The following SMYD4 variants were observed in gnomAD, a reference collection of about 807,000 sequenced individuals.
SMYD4 encodes protein-lysine N-methyltransferase SMYD4.
Under a neutral mutation model 72.8 loss-of-function variants are expected in SMYD4, and 68 were observed. The observed-to-expected ratio is 0.93, with a 90% confidence interval of 0.77 to 1.14. The LOEUF is 1.14. Among genes scored for constraint, SMYD4 ranks in the 50% most tolerant of loss-of-function variants. SMYD4 has a pLI of 0.00. For missense variants in SMYD4, 984 were observed against 1,003.7 expected (o/e 0.98, Z 0.27); for synonymous variants, 407 against 388.6 (o/e 1.05, Z -0.56).
chr17:1,806,183 C>T (rs1910027533), intron 3 of SMYD4, among the ~76,000 whole-genome samples: 1 of 151,932 alleles, frequency 6.6e-6, no homozygotes, highest in Admixed American at 6.6e-5. Flanking sequence ...CCTCGGCCTC[C>T]CAACAAATAC....
chr17:1,820,791 G>C (rs1443427347), intron 2 of SMYD4, among the ~76,000 whole-genome samples: 1 of 152,130 alleles, frequency 6.6e-6, no homozygotes, highest in Non-Finnish European at 1.5e-5. Flanking sequence ...ATCTCTTGTG[G>C]GAAAACATTC....
chr17:1,781,539 G>C, intron 10 of SMYD4, 100 bp from the exon 11 acceptor site: 1 of 1,362,922 alleles, frequency 7.3e-7, no homozygotes, highest in Non-Finnish European at 1.0e-6. Flanking sequence ...GATCATTTCT[G>C]TCATCAAGGA....
rs1296906388 is a variant in SMYD4, at chr17:1,780,541, C to G, written c.*745G>C. ...CTGCAGAACCTACACAGAATCCGCACCTGGTCTGCAGAACCCACACCCGAC... is the reference window on the plus strand; with the variant it reads ...CTGCAGAACCTACACAGAATCCGCAGCTGGTCTGCAGAACCCACACCCGAC... On this transcript the variant is annotated 3_prime_UTR_variant, in exon 11 of 11. Coordinates refer to ENST00000305513, the MANE Select transcript of SMYD4 (RefSeq NM_052928.3). The G allele has an allele frequency of 6.6e-6, 1 of 152,102 alleles. No individual in the cohort carries two copies. The highest frequency in any genetic ancestry group is 1.5e-5 in the Non-Finnish European group (1 of 68,068). 9.4% of individuals were successfully genotyped at this position (152,102 alleles called of 1,614,324 possible).
intron 2 of SMYD4, among the ~76,000 whole-genome samples, chr17:1,824,587 G>T (rs1011429472): frequency 6.6e-6 from 1 of 151,970 alleles, no homozygotes; most frequent in African/African-American, 2.4e-5. Flanking sequence ...GATAGTGAGT[G>T]AGTTCTCACG....
At chr17:1,786,405 G>T (rs2151220093) in intron 7 of SMYD4, among the ~76,000 whole-genome samples, 1 of 152,200 alleles carries the variant, frequency 6.6e-6, no homozygotes, top group Admixed American at 6.5e-5. Flanking sequence ...TAGAGACAGG[G>T]TCTTGCTATG....
At chr17:1,827,436 T>G (rs1257621115) in intron 2 of SMYD4, among the ~76,000 whole-genome samples, 1 of 150,720 alleles carries the variant, frequency 6.6e-6, no homozygotes, top group Non-Finnish European at 1.5e-5. Context: ...CAGGCATTAG[T>G]CAAAAGAGCA....
chr17:1,828,642 G>A (rs60113027), intron 1 of SMYD4, among the ~76,000 whole-genome samples: 1 of 145,418 alleles, frequency 6.9e-6, no homozygotes, highest in East Asian at 2.1e-4. Flanking sequence ...CTGTCACCCA[G>A]GCTGGAGTGC....
chr17:1,825,511 CT>C (rs58470302), intron 2 of SMYD4, among the ~76,000 whole-genome samples: 52,985 of 107,440 alleles, frequency 0.49, 11,069 homozygotes, highest in Non-Finnish European at 0.62. Flanking sequence ...CATTTTCTTT[CT>C]TTTTTTTTTT....
intron 2 of SMYD4, among the ~76,000 whole-genome samples, chr17:1,818,677 C>G (rs1283437735): frequency 1.3e-5 from 2 of 150,750 alleles, no homozygotes; most frequent in African/African-American, 4.9e-5. Flanking sequence ...ATTTTTTTTT[C>G]GAGACAGGTC....
intron 5 of SMYD4, among the ~76,000 whole-genome samples, chr17:1,799,061 G>T (rs1320306445): frequency 6.6e-6 from 1 of 151,782 alleles, no homozygotes; most frequent in Admixed American, 6.6e-5. Context: ...CACGAGGTCA[G>T]GAGATCGAGA....
intron 2 of SMYD4, among the ~76,000 whole-genome samples, chr17:1,816,348 G>A (rs111607872): frequency 1.1e-3 from 173 of 151,914 alleles, no homozygotes; most frequent in African/African-American, 3.9e-3. Context: ...GGCCAGGCGC[G>A]GTGGCTCACG....
At position 1,800,271 on chromosome 17, in the gene SMYD4, T is replaced by G. The variant is rs756289753; in HGVS notation, c.1123A>C (p.Ser375Arg). ...TCAGGTAAACAGATGTCCTTGTTAC[T>G]AATCTTATCACAAAGCTTCGTTATG... ...KIITKLCDKISNKDICLPESN... is the reference protein window; with the variant it reads ...KIITKLCDKIRNKDICLPESN... The change falls in exon 5 of 11, where the codon AGT becomes CGT. Residue 375 changes from serine (S) to arginine (R), a missense_variant. Transcript: ENST00000305513. 8 of 1,614,212 alleles carry G rather than the reference T, an allele frequency of 5.0e-6. 1 individual carries two copies. The South Asian group carries it at 7.7e-5, about 16-fold the overall frequency.
rs1909046820 is a variant in SMYD4, at chr17:1,791,847, A to G, written c.1538-4243T>C. ...GGTTACAGTGAGCTACGATCGCCCC[A>G]CTGCACTCCAGCCTAAGTGACAGAG... On this transcript the variant is annotated intron_variant, in intron 5 of 10. Coordinates refer to ENST00000305513, the MANE Select transcript of SMYD4 (RefSeq NM_052928.3). Among the ~76,000 whole-genome samples the G allele has an allele frequency of 2.0e-5, 3 of 152,206 alleles. No homozygotes were observed. In the South Asian group the frequency reaches 6.2e-4, roughly 32 times the overall value.
intron 2 of SMYD4, among the ~76,000 whole-genome samples, chr17:1,821,560 A>C (rs532902198): frequency 6.6e-6 from 1 of 152,200 alleles, no homozygotes; most frequent in South Asian, 2.1e-4. Context: ...TGAGTTGGGA[A>C]GAAGAGAGCA....
At chr17:1,794,089 A>ATGTATG (rs1199496815) in intron 5 of SMYD4, among the ~76,000 whole-genome samples, 1 of 24,280 alleles carries the variant, frequency 4.1e-5, no homozygotes, top group Admixed American at 5.5e-4. Flanking sequence ...GTGTATATAT[A>ATGTATG]TATATATATA....
In SMYD4 at chr17:1,787,639, C is replaced by A. The variant is rs1030272099; in HGVS notation, c.1538-35G>T. Reference sequence around the variant, plus strand: ...CAAGAGGAAAGAAGGAAAAAGGTGTCAGCACATGAGCCCTGGCCTTGCCCT... The same window carrying A: ...CAAGAGGAAAGAAGGAAAAAGGTGTAAGCACATGAGCCCTGGCCTTGCCCT... On this transcript the variant is annotated intron_variant, in intron 5 of 10. Coordinates refer to ENST00000305513, the MANE Select transcript of SMYD4 (RefSeq NM_052928.3). 5.9e-6 allele frequency: 9 copies of A among 1,532,238 alleles called. No homozygotes were observed. In the African/African-American group the frequency reaches 9.6e-5, roughly 16 times the overall value. The allele number at this position is 1,532,238 out of a possible 1,614,324, so 94.9% of individuals were successfully genotyped here.
At chr17:1,820,761 G>GT (rs1910844343) in intron 2 of SMYD4, among the ~76,000 whole-genome samples, 1 of 152,118 alleles carries the variant, frequency 6.6e-6, no homozygotes, top group Non-Finnish European at 1.5e-5. Flanking sequence ...GTCTCAAAAG[G>GT]TTTTCAATAG....
At chr17:1,806,470 T>C (rs140776251) in intron 3 of SMYD4, among the ~76,000 whole-genome samples, 1,706 of 152,210 alleles carry the variant, frequency 0.011, 36 homozygotes, top group African/African-American at 0.038. Flanking sequence ...ATCACTAAGA[T>C]GACAACCAGT....
chr17:1,788,738 G>A (rs1567767374), intron 5 of SMYD4, among the ~76,000 whole-genome samples: 5 of 150,620 alleles, frequency 3.3e-5, no homozygotes, highest in Admixed American at 2.6e-4. Flanking sequence ...GTGAGACCCC[G>A]CCTCCAAAAA....
Sources: gnomAD v4.1 joint callset for allele counts (sites outside exome capture counted in the v4.1 genomes callset) on GRCh38, gnomAD v4.1.1 for gene constraint, MANE v1.5 for transcripts, NCBI Gene and HGNC (gene_info 2026-07-23, HGNC 2026-07-21) for gene names.